TBC1D5: variants seen among roughly 807,000 people sequenced by gnomAD.
The protein encoded by TBC1D5 is TBC1 domain family, member 5.
In TBC1D5, 75 loss-of-function variants were observed where a neutral mutation model predicts 100.3. The observed-to-expected ratio is 0.75, with a 90% confidence interval of 0.62 to 0.91. The LOEUF (loss-of-function observed/expected upper bound fraction) is 0.91, where lower values mean the gene tolerates loss of function less well. Among genes scored for constraint, TBC1D5 ranks in the 40% least tolerant of loss-of-function variants. The pLI is 0.00. For synonymous variants in TBC1D5, 323 were observed against 325.6 expected (o/e 0.99, Z 0.09); for missense variants, 910 against 942.4 (o/e 0.97, Z 0.45).
chr3:17,686,363 C>A (rs1036080855), intron 1 of TBC1D5, among the ~76,000 whole-genome samples: 1 of 151,978 alleles, frequency 6.6e-6, no homozygotes, highest in South Asian at 2.1e-4. Flanking sequence ...ATAGCTGTTC[C>A]CATAGAAATA....
chr3:17,251,435 C>CCA (rs2077173063), intron 16 of TBC1D5, among the ~76,000 whole-genome samples: 2 of 144,868 alleles, frequency 1.4e-5, no homozygotes, highest in African/African-American at 2.5e-5. Flanking sequence ...ACCCCCCCCC[C>CCA]CCCAGTAGAA....
chr3:17,287,719 C>G (rs1188382869), intron 15 of TBC1D5, among the ~76,000 whole-genome samples: 3 of 152,166 alleles, frequency 2.0e-5, no homozygotes, highest in African/African-American at 4.8e-5. Context: ...AATAAGAAAT[C>G]TTTCCACAGT....
At chr3:17,513,003 A>G (rs2095931933) in intron 2 of TBC1D5, among the ~76,000 whole-genome samples, 1 of 152,170 alleles carries the variant, frequency 6.6e-6, no homozygotes, top group Non-Finnish European at 1.5e-5. Context: ...GTTTTAAACT[A>G]CACTTAAAAA....
chr3:17,408,599 G>C (rs2093837219), intron 4 of TBC1D5, among the ~76,000 whole-genome samples: 1 of 152,034 alleles, frequency 6.6e-6, no homozygotes, highest in Middle Eastern at 3.2e-3. Flanking sequence ...GGAATTAAAG[G>C]TATGAGACAG....
At chr3:17,276,801 C>T (rs961105993) in intron 15 of TBC1D5, among the ~76,000 whole-genome samples, 7 of 152,156 alleles carry the variant, frequency 4.6e-5, no homozygotes, top group South Asian at 2.1e-4. Context: ...GGTGGAGCCA[C>T]GGGACTGAGT....
At chr3:17,452,826 T>C (rs188464541) in intron 3 of TBC1D5, among the ~76,000 whole-genome samples, 11 of 152,110 alleles carry the variant, frequency 7.2e-5, no homozygotes, top group Admixed American at 2.6e-4. Flanking sequence ...TCAACAGATA[T>C]TTACAGAACA....
chr3:17,180,465 G>A (rs760991328), intron 19 of TBC1D5, among the ~76,000 whole-genome samples: 69 of 152,302 alleles, frequency 4.5e-4, no homozygotes, highest in South Asian at 2.1e-3. Flanking sequence ...GATACTTATT[G>A]CATGTGTGAC....
intron 18 of TBC1D5, among the ~76,000 whole-genome samples, chr3:17,195,535 T>A (rs573978035): frequency 1.3e-5 from 2 of 152,208 alleles, no homozygotes; most frequent in Non-Finnish European, 2.9e-5. Flanking sequence ...AAGACTGTTT[T>A]TCTTATGACA....
intron 2 of TBC1D5, among the ~76,000 whole-genome samples, chr3:17,584,249 T>C (rs1232707914): frequency 6.6e-6 from 1 of 152,212 alleles, no homozygotes; most frequent in Non-Finnish European, 1.5e-5. Context: ...GATGGAAATG[T>C]TCCAAACTCG....
intron 3 of TBC1D5, among the ~76,000 whole-genome samples, chr3:17,461,217 C>G (rs1357338836): frequency 6.6e-6 from 1 of 152,156 alleles, no homozygotes; most frequent in Non-Finnish European, 1.5e-5. Context: ...AATGCAAGCA[C>G]AGTTTAACAT....
At chr3:17,183,444 AG>A (rs2068673248) in intron 19 of TBC1D5, among the ~76,000 whole-genome samples, 1 of 152,208 alleles carries the variant, frequency 6.6e-6, no homozygotes, top group Non-Finnish European at 1.5e-5. Context: ...ACTTGGTTAT[AG>A]GTCTATATGA....
At chr3:17,391,536 T>C (rs748686827) in intron 8 of TBC1D5, among the ~76,000 whole-genome samples, 1 of 151,830 alleles carries the variant, frequency 6.6e-6, no homozygotes, top group African/African-American at 2.4e-5. Flanking sequence ...ATAGAGGTTT[T>C]GATATCTGAA....
At chr3:17,161,014 G>A (rs376171246) in exon 22 of TBC1D5, 65 of 1,614,094 alleles carry the variant, frequency 4.0e-5, no homozygotes, top group Non-Finnish European at 4.7e-5. Context: ...TGCTGCTGTC[G>A]TCATCAGGAC....
chr3:17,266,889 A>C (rs2078902220), intron 15 of TBC1D5, among the ~76,000 whole-genome samples: 1 of 152,142 alleles, frequency 6.6e-6, no homozygotes, highest in Non-Finnish European at 1.5e-5. Context: ...TCTATAGAGT[A>C]AACCAAAAAA....
chr3:17,158,941 C>G (rs1441423176), exon 22 of TBC1D5: 1 of 149,424 alleles, frequency 6.7e-6, no homozygotes, highest in African/African-American at 2.6e-5. Context: ...ACTGAAAACA[C>G]TGACACCTTC....
intron 1 of TBC1D5, among the ~76,000 whole-genome samples, chr3:17,668,153 AAT>A (rs989911063): frequency 2.5e-4 from 37 of 147,718 alleles, no homozygotes; most frequent in Non-Finnish European, 4.2e-4. Context: ...TTCACTTAAA[AAT>A]ATATATATAT....
chr3:17,319,139 A>G (rs2085057972), intron 13 of TBC1D5, among the ~76,000 whole-genome samples: 1 of 152,244 alleles, frequency 6.6e-6, no homozygotes, highest in Non-Finnish European at 1.5e-5. Context: ...ATCATGGTTT[A>G]TAATATGTTC....
intron 15 of TBC1D5, among the ~76,000 whole-genome samples, chr3:17,286,397 T>C (rs1380579771): frequency 6.6e-6 from 1 of 152,222 alleles, no homozygotes; most frequent in African/African-American, 2.4e-5. Flanking sequence ...TTAACATTTT[T>C]TTTGAATGTG....
intron 13 of TBC1D5, among the ~76,000 whole-genome samples, chr3:17,321,352 T>C (rs1191034350): frequency 1.3e-5 from 2 of 152,238 alleles, no homozygotes; most frequent in Non-Finnish European, 2.9e-5. Flanking sequence ...CAGTCCTGTG[T>C]ATTATTTTAA....
Sources: gnomAD v4.1 joint callset for allele counts (sites outside exome capture counted in the v4.1 genomes callset) on GRCh38, gnomAD v4.1.1 for gene constraint, MANE v1.5 for transcripts, NCBI Gene and HGNC (gene_info 2026-07-23, HGNC 2026-07-21) for gene names.